LCOR: variants seen among roughly 807,000 people sequenced by gnomAD.
LCOR encodes ligand dependent nuclear receptor corepressor.
In LCOR, 14 loss-of-function variants were observed where a neutral mutation model predicts 64.4. The observed-to-expected ratio is 0.22, with a 90% CI of 0.14 to 0.34. The LOEUF (loss-of-function observed/expected upper bound fraction) is 0.34, where lower values mean the gene tolerates loss of function less well. LCOR is among the 10% of genes least tolerant of loss of function. The pLI is 1.00. For synonymous variants in LCOR, 643 were observed against 642.5 expected, an observed-to-expected ratio of 1.00 and a Z score of -0.01; for missense variants, 1,686 against 1,765.3, an observed-to-expected ratio of 0.96 and a Z score of 0.80.
intron 2 of LCOR, among the ~76,000 whole-genome samples, chr10:96,844,317 A>T (rs186314651): frequency 9.4e-4 from 142 of 151,642 alleles, no homozygotes; most frequent in Non-Finnish European, 1.7e-3. Context: ...TGCCTGGCTA[A>T]TATTTTTATT....
Position 96,982,796 on chromosome 10 carries a change from A to T in LCOR, c.2336A>T (p.Asp779Val). ...GGAAAATTAGAGGGAGAGGACGGTGATGTAAAATGCCTGTCAGAAAAAGAC... is the reference window on the plus strand; with the variant it reads ...GGAAAATTAGAGGGAGAGGACGGTGTTGTAAAATGCCTGTCAGAAAAAGAC... ...GIGKLEGEDG[D>V]VKCLSEKDTY... The change falls in exon 8 of 8, where the codon GAT becomes GTT. Residue 779 changes from aspartate to valine, a missense_variant. Asp to Val is a radical substitution (Grantham distance 152). Transcript: ENST00000421806. The T allele has an allele frequency of 6.2e-7, 1 of 1,614,162 alleles. No individual in the cohort carries two copies. Among genetic ancestry groups the T allele is most frequent in the Non-Finnish European group, 8.5e-7 (1 of 1,180,026 alleles).
chr10:96,943,734 A>ATT (rs200048149), intron 4 of LCOR, among the ~76,000 whole-genome samples: 1 of 148,920 alleles, frequency 6.7e-6, no homozygotes, highest in Admixed American at 6.7e-5. Flanking sequence ...TTCAAAAAAA[A>ATT]TTTTTTTTTT....
chr10:96,984,551 A>G lies in LCOR; in HGVS notation c.4091A>G (p.Asp1364Gly). 6.2e-7 allele frequency: 1 copy of G among 1,614,206 alleles called. No individual in the cohort carries two copies. The highest frequency in any genetic ancestry group is 8.5e-7 in the Non-Finnish European group (1 of 1,180,046). The stretch of plus-strand genomic sequence containing the variant: ...TCCCCCAAGCTTGCCCTGCAAGTGG[A>G]TGCAGATGGGTTTCCTGTTAAGCCC... Reference protein sequence around the residue: ...LMSPKLALQVDADGFPVKPKS... With the variant: ...LMSPKLALQVGADGFPVKPKS... The change falls in exon 8 of 8, where the codon GAT becomes GGT. Residue 1364 changes from aspartate to glycine, a missense_variant. Transcript: ENST00000421806.
chr10:96,860,236 C>T (rs1845865443), intron 2 of LCOR, among the ~76,000 whole-genome samples: 1 of 152,010 alleles, frequency 6.6e-6, no homozygotes, highest in Non-Finnish European at 1.5e-5. Flanking sequence ...ACCTCCAGTG[C>T]CTGTGAATTT....
At chr10:96,921,498 A>G (rs747651611) in intron 4 of LCOR, among the ~76,000 whole-genome samples, 47 of 152,018 alleles carry the variant, frequency 3.1e-4, no homozygotes, top group Non-Finnish European at 4.9e-4. Flanking sequence ...GTTTCGCTCT[A>G]TCTCCCAGGC....
At chr10:96,967,066 ATAC>A (rs1847958666) in intron 7 of LCOR, among the ~76,000 whole-genome samples, 1 of 152,196 alleles carries the variant, frequency 6.6e-6, no homozygotes, top group Non-Finnish European at 1.5e-5. Flanking sequence ...GCATGTAAGA[ATAC>A]TACTGTTTCT....
chr10:96,977,775 G>T (rs1455799004), intron 7 of LCOR, among the ~76,000 whole-genome samples: 1 of 152,120 alleles, frequency 6.6e-6, no homozygotes. Flanking sequence ...TGGCTCAAGC[G>T]ATCCTCCTAC....
intron 2 of LCOR, among the ~76,000 whole-genome samples, chr10:96,872,459 G>A (rs1481934183): frequency 3.9e-5 from 6 of 152,310 alleles, no homozygotes; most frequent in East Asian, 1.9e-4. Context: ...TTGGGAGGCC[G>A]AGGTGGGTGG....
At chr10:96,931,833 G>A (rs752904847) in intron 4 of LCOR, among the ~76,000 whole-genome samples, 1 of 152,170 alleles carries the variant, frequency 6.6e-6, no homozygotes, top group Non-Finnish European at 1.5e-5. Flanking sequence ...TAATAAGTAC[G>A]TGGGAACTGT....
chr10:96,846,069 T>C (rs747362510), intron 2 of LCOR, among the ~76,000 whole-genome samples: 4 of 151,776 alleles, frequency 2.6e-5, no homozygotes, highest in Non-Finnish European at 5.9e-5. Flanking sequence ...TAGCTGGGCA[T>C]GGTGGTGTAC....
rs569276932 is a variant in LCOR, at chr10:96,995,276, T to C, written c.*10142T>C. On this transcript the variant is annotated 3_prime_UTR_variant, in exon 8 of 8. Transcript: ENST00000421806. The surrounding 1 kb of genome is among the most constrained non-coding windows in gnomAD (Gnocchi z 4.2). The stretch of plus-strand genomic sequence containing the variant: ...CTGTCTTGTGAGTCTTAGCCAGTGA[T>C]CCAGCTGCCCAAGGACAGGGCCTCC... 50 of 152,402 alleles carry C rather than the reference T, an allele frequency of 3.3e-4. No homozygotes were observed. The highest frequency in any genetic ancestry group is 1.2e-3 in the African/African-American group (50 of 41,576). 9.4% of individuals were successfully genotyped at this position (152,402 alleles called of 1,614,324 possible). A position where few individuals can be genotyped will look rare whatever the true frequency, so the allele number is the denominator to read the frequency against.
At chr10:96,928,679 A>T (rs1847207875) in intron 4 of LCOR, among the ~76,000 whole-genome samples, 1 of 152,160 alleles carries the variant, frequency 6.6e-6, no homozygotes, top group African/African-American at 2.4e-5. Context: ...TGGCATCTAG[A>T]ATGGCAAATC....
chr10:96,937,026 C>T (rs1847363070), intron 4 of LCOR, among the ~76,000 whole-genome samples: 1 of 152,262 alleles, frequency 6.6e-6, no homozygotes. Flanking sequence ...AGCAAAACTG[C>T]AGATAAGAGG....
intron 1 of LCOR, 73 bp from the exon 2 acceptor site, chr10:96,833,333 G>T: frequency 1.0e-6 from 1 of 961,440 alleles, no homozygotes; most frequent in Middle Eastern, 5.3e-4. Context: ...GCGGACGGGG[G>T]CGCCCCGGGA....
At chr10:96,861,600 C>G (rs2134392858) in intron 2 of LCOR, among the ~76,000 whole-genome samples, 1 of 152,070 alleles carries the variant, frequency 6.6e-6, no homozygotes, top group Non-Finnish European at 1.5e-5. Flanking sequence ...GGCTGGAGTT[C>G]AGTGGCATGA....
intron 2 of LCOR, among the ~76,000 whole-genome samples, chr10:96,874,468 C>T (rs1846130186): frequency 2.0e-5 from 3 of 152,090 alleles, no homozygotes; most frequent in Admixed American, 2.0e-4. Flanking sequence ...TCTCCATGTC[C>T]CAGTAATCAG....
chr10:96,951,731 A>T (rs1449077777), intron 6 of LCOR, among the ~76,000 whole-genome samples: 1 of 152,190 alleles, frequency 6.6e-6, no homozygotes, highest in East Asian at 1.9e-4. Context: ...ATTGTGGGAC[A>T]TTAAAAACTT....
At chr10:96,949,519 G>T (rs1214998195) in intron 6 of LCOR, among the ~76,000 whole-genome samples, 1 of 152,206 alleles carries the variant, frequency 6.6e-6, no homozygotes, top group Non-Finnish European at 1.5e-5. Context: ...ACTCAGGAAA[G>T]TCAGGTGGTT....
intron 2 of LCOR, among the ~76,000 whole-genome samples, chr10:96,874,688 A>C (rs1054848052): frequency 6.6e-6 from 1 of 151,112 alleles, no homozygotes; most frequent in Non-Finnish European, 1.5e-5. Context: ...CCCAGGCTGG[A>C]GTGCAATGGT....
Sources: allele counts gnomAD v4.1 joint callset (sites outside exome capture counted in the v4.1 genomes callset), GRCh38; gene constraint gnomAD v4.1.1; non-coding constraint Gnocchi (gnomAD v3.1); transcripts MANE v1.5; gene names NCBI Gene and HGNC (gene_info 2026-07-23, HGNC 2026-07-21).